The following NFYB variants were observed in gnomAD, a reference collection of about 807,000 sequenced individuals.
NFYB encodes CAAT box DNA-binding protein subunit B.
NFYB carries 13 observed loss-of-function variants against 28.0 expected under a neutral mutation model. The observed-to-expected ratio is 0.46, with a 90% confidence interval of 0.30 to 0.74. The LOEUF (loss-of-function observed/expected upper bound fraction) is 0.74. NFYB is among the 30% of genes least tolerant of loss of function. The pLI, the probability that NFYB is intolerant of heterozygous loss-of-function variation, is 0.07. For missense variants in NFYB, 142 were observed against 247.6 expected (o/e 0.57, Z 2.86); for synonymous variants, 74 against 75.0 (o/e 0.99, Z 0.07).
rs375206240 is a variant in NFYB, at chr12:104,123,437, C to T, written c.232-14G>A. ...ATCTTTTGCAATCTGAAGAGAAAAT[C>T]ATAGGTAAATTACAGAAACTATAAC... On this transcript the variant is annotated splice_polypyrimidine_tract_variant and intron_variant, in intron 4 of 7. Coordinates refer to ENST00000240055, the MANE Select transcript of NFYB (RefSeq NM_006166.4). 2.5e-6 allele frequency: 4 copies of T among 1,611,154 alleles called. No individual in the cohort carries two copies. The highest frequency in any genetic ancestry group is 3.4e-6 in the Non-Finnish European group (4 of 1,178,156).
chr12:104,135,604 G>A, intron 1 of NFYB, 72 bp from the exon 2 acceptor site: 1 of 554,650 alleles, frequency 1.8e-6, no homozygotes, highest in Non-Finnish European at 3.0e-6. Flanking sequence ...TCACTTATAG[G>A]CTTTTTTTCT....
chr12:104,120,550 G>T, intron 6 of NFYB, 71 bp from the exon 7 acceptor site: 2 of 1,058,418 alleles, frequency 1.9e-6, no homozygotes, highest in Non-Finnish European at 2.9e-6. Flanking sequence ...TCTTAAGGTT[G>T]TACCATTAAT....
At chr12:104,120,910 T>A (rs781316842) in intron 6 of NFYB, among the ~76,000 whole-genome samples, 5 of 151,988 alleles carry the variant, frequency 3.3e-5, no homozygotes, top group African/African-American at 4.8e-5. Context: ...ATACTCAATT[T>A]AAAAAAAACT....
At chr12:104,137,107 G>A (rs990844669) in intron 1 of NFYB, among the ~76,000 whole-genome samples, 1 of 152,182 alleles carries the variant, frequency 6.6e-6, no homozygotes, top group Non-Finnish European at 1.5e-5. Flanking sequence ...CATACTAAGA[G>A]AGATGAAACC....
intron 1 of NFYB, among the ~76,000 whole-genome samples, chr12:104,136,707 T>C (rs551725404): frequency 6.6e-6 from 1 of 152,268 alleles, no homozygotes; most frequent in African/African-American, 2.4e-5. Context: ...CTCACCCAAA[T>C]AGTTGATTCA....
chr12:104,128,431 A>G lies in NFYB; in HGVS notation c.93T>C (p.Pro31=). ...TAATTGTGGCTTGCTTACCATCATG[A>G]GGCTGTATAACATAATGACTTCCTC... ...YIGGSHYVIQ[P]HDDTEDSMND... Residue 31 remains proline, a synonymous_variant, in exon 3 of 8, where the codon CCT becomes CCC. Transcript: ENST00000240055. 1 of 1,605,274 alleles carries G rather than the reference A, an allele frequency of 6.2e-7. No individual in the cohort carries two copies. Among genetic ancestry groups the G allele is most frequent in the Non-Finnish European group, 8.5e-7 (1 of 1,174,860 alleles).
intron 7 of NFYB, among the ~76,000 whole-genome samples, chr12:104,120,023 T>C (rs2030405221): frequency 1.3e-5 from 2 of 152,046 alleles, no homozygotes; most frequent in South Asian, 4.1e-4. Flanking sequence ...CTTAATAGCA[T>C]GTTGAAATTA....
At chr12:104,121,020 CTCAG>C (rs1478482515) in intron 6 of NFYB, among the ~76,000 whole-genome samples, 2 of 152,124 alleles carry the variant, frequency 1.3e-5, no homozygotes, top group Admixed American at 6.5e-5. Flanking sequence ...GGCTACAGAA[CTCAG>C]TCAGAACTAT....
At chr12:104,121,175 C>A in intron 6 of NFYB, 65 bp downstream of exon 6, 1 of 1,308,244 alleles carries the variant, frequency 7.6e-7, no homozygotes, top group Non-Finnish European at 1.1e-6. Flanking sequence ...TCCAAAAATA[C>A]CATTAGATAC....
In NFYB at chr12:104,126,102, C is replaced by A; in HGVS notation, c.231+12G>T. 2 of 1,569,926 alleles carry A rather than the reference C, an allele frequency of 1.3e-6. No homozygotes were observed. Among genetic ancestry groups the A allele is most frequent in the South Asian group, 1.2e-5 (1 of 82,052 alleles). On this transcript the variant is annotated intron_variant, in intron 4 of 7. Coordinates refer to ENST00000240055, the MANE Select transcript of NFYB (RefSeq NM_006166.4). ...CTTGAAAAAACCTAGTTAAATTTCT[C>A]CTCTACGTTACCTTTCCCGTTTGAG...
At chr12:104,125,002 G>A (rs529791569) in intron 4 of NFYB, among the ~76,000 whole-genome samples, 6 of 152,030 alleles carry the variant, frequency 3.9e-5, no homozygotes, top group Non-Finnish European at 7.3e-5. Flanking sequence ...GATATAAAAC[G>A]TGTGAATTTT....
chr12:104,131,889 G>A, intron 2 of NFYB: 1 of 395,370 alleles, frequency 2.5e-6, no homozygotes. Context: ...GTCCTTCCAG[G>A]ACACAGGCTC....
chr12:104,137,677 CG>C lies in NFYB; in HGVS notation c.-80+463del, dbSNP rs1477518977. ...CCGGGCCCCGCCACAGCCCCGCGGGCGGGAGGAGGGCGCCCCCGGGGACTCG... is the reference window on the plus strand; with the variant it reads ...CCGGGCCCCGCCACAGCCCCGCGGGCGGAGGAGGGCGCCCCCGGGGACTCG... On this transcript the variant is annotated intron_variant, in intron 1 of 7. Coordinates refer to ENST00000240055, the MANE Select transcript of NFYB (RefSeq NM_006166.4). 1.9e-4 allele frequency: 29 copies of C among 149,392 alleles called. No individual in the cohort carries two copies. In the East Asian group the frequency reaches 5.5e-3, roughly 28 times the overall value. The allele number at this position is 149,392 out of a possible 1,614,324, so 9.3% of individuals were successfully genotyped here. A position where few individuals can be genotyped will look rare whatever the true frequency, so the allele number is the denominator to read the frequency against.
intron 5 of NFYB, among the ~76,000 whole-genome samples, chr12:104,122,176 T>G (rs1246484429): frequency 5.3e-5 from 8 of 152,182 alleles, no homozygotes; most frequent in Non-Finnish European, 1.5e-5. Flanking sequence ...CCATCCATAA[T>G]TCTATGATAT....
intron 2 of NFYB, among the ~76,000 whole-genome samples, chr12:104,129,711 TC>T (rs2030852671): frequency 6.6e-6 from 1 of 151,882 alleles, no homozygotes; most frequent in South Asian, 2.1e-4. Context: ...AGACCCTGTC[TC>T]TAAAAAAAAA....
At chr12:104,131,502 CA>C (rs2030921552) in intron 2 of NFYB, 1 of 253,752 alleles carries the variant, frequency 3.9e-6, no homozygotes. Context: ...TTCTGCAATT[CA>C]AAAACAAATG....
intron 2 of NFYB, chr12:104,131,403 CCTTTCCTCTGTCTTT>C: frequency 5.2e-6 from 1 of 193,714 alleles, no homozygotes; most frequent in Non-Finnish European, 1.1e-5. Flanking sequence ...CTTCTGTCTT[CCTTTCCTCTGTCTTT>C]CTACCATTAA....
intron 2 of NFYB, among the ~76,000 whole-genome samples, chr12:104,130,511 G>C (rs1202010441): frequency 6.6e-6 from 1 of 151,990 alleles, no homozygotes; most frequent in Non-Finnish European, 1.5e-5. Flanking sequence ...GTGAACATAG[G>C]GTACCTATTT....
At chr12:104,136,766 T>C (rs1484415893) in intron 1 of NFYB, among the ~76,000 whole-genome samples, 1 of 152,178 alleles carries the variant, frequency 6.6e-6, no homozygotes, top group Admixed American at 6.5e-5. Context: ...TCACCTCATA[T>C]GGTGTATATT....
Sources: gnomAD v4.1 joint callset for allele counts (sites outside exome capture counted in the v4.1 genomes callset) on GRCh38, gnomAD v4.1.1 for gene constraint, MANE v1.5 for transcripts, NCBI Gene and HGNC (gene_info 2026-07-23, HGNC 2026-07-21) for gene names.